ADCY7: variants seen among roughly 807,000 people sequenced by gnomAD.
The protein encoded by ADCY7 is adenylate cyclase type 7.
In ADCY7, 72 loss-of-function variants were observed where a neutral mutation model predicts 120.6. The observed-to-expected ratio is 0.60, with a 90% CI of 0.49 to 0.73. The LOEUF is 0.73. Among genes scored for constraint, ADCY7 ranks in the 30% least tolerant of loss-of-function variants. The probability of loss-of-function intolerance (pLI) is 0.00; values close to 1 mark genes in which losing one functional copy is unlikely to be tolerated. For missense variants in ADCY7, 1,227 were observed against 1,486.0 expected (o/e 0.83, Z 2.87); for synonymous variants, 661 against 628.0 (o/e 1.05, Z -0.78).
chr16:50,295,345 ATTTTTTTTTTTT>A (rs67137852), intron 7 of ADCY7, among the ~76,000 whole-genome samples: 1,472 of 82,758 alleles, frequency 0.018, 35 homozygotes, highest in African/African-American at 0.063. Flanking sequence ...CGCCTGGCTA[ATTTTTTTTTTTT>A]TTTTTTTTTT....
chr16:50,266,173 G>T (rs1191418705), upstream of ADCY7, among the ~76,000 whole-genome samples: 1 of 152,176 alleles, frequency 6.6e-6, no homozygotes, highest in Non-Finnish European at 1.5e-5. Context: ...AGGAAGGCGC[G>T]GGGGGCCTGT....
upstream of ADCY7, among the ~76,000 whole-genome samples, chr16:50,263,088 C>T (rs1197190575): frequency 2.0e-5 from 3 of 152,210 alleles, 1 homozygote; most frequent in Admixed American, 1.3e-4. Context: ...CTGGCTCTGC[C>T]TTTTCATAGC....
intron 1 of ADCY7, among the ~76,000 whole-genome samples, chr16:50,275,116 G>A (rs1215631089): frequency 2.0e-5 from 3 of 152,190 alleles, no homozygotes; most frequent in Non-Finnish European, 4.4e-5. Context: ...CTTCCCAGCT[G>A]AAAACTGCCT....
chr16:50,279,390 C>A (rs897241534), intron 1 of ADCY7: 1 of 152,134 alleles, frequency 6.6e-6, no homozygotes, highest in African/African-American at 2.4e-5. Flanking sequence ...TAAATGTGGG[C>A]GTGAAAGTGT....
rs774128997 is a variant in ADCY7 at position 50,310,689 on chromosome 16, C to T, written c.2163C>T (p.Tyr721=). Residue 721 remains tyrosine, a splice_region_variant and synonymous_variant, in exon 19 of 26, where the codon TAC becomes TAT. Transcript: ENST00000673801. ...KTRALCEPLP[Y]YTCSCVLGFI... ...TGAGTGACACCCTGCCCCCTCAGTA[C>T]TACACCTGCAGCTGTGTCCTGGGCT... 1.9e-6 allele frequency: 3 copies of T among 1,613,722 alleles called. No homozygotes were observed. The highest frequency in any genetic ancestry group is 2.2e-5 in the South Asian group (2 of 91,030).
In ADCY7 at chr16:50,308,566, C is replaced by T. The variant is rs2036234451; in HGVS notation, c.1936-101C>T. 5 of 1,551,888 alleles carry T rather than the reference C, an allele frequency of 3.2e-6. No individual in the cohort carries two copies. In the South Asian group the frequency reaches 6.1e-5, roughly 19 times the overall value. ...CCTCGGGGACAATTTCCTGAGTGCC[C>T]TGGAGGCTTCTCCCGAGGATACCCC... On this transcript the variant is annotated intron_variant, in intron 16 of 25. Coordinates refer to ENST00000673801, the MANE Select transcript of ADCY7 (RefSeq NM_001114.5).
intron 15 of ADCY7, among the ~76,000 whole-genome samples, chr16:50,307,688 G>C (rs1228609160): frequency 2.6e-5 from 4 of 152,146 alleles, no homozygotes; most frequent in Non-Finnish European, 5.9e-5. Flanking sequence ...TGTGGTTTTG[G>C]CTATGCTTAC....
At position 50,290,499 on chromosome 16, in the gene ADCY7, G is replaced by T; in HGVS notation, c.214G>T (p.Val72Leu). The T allele has an allele frequency of 1.2e-6, 2 of 1,614,226 alleles. No homozygotes were observed. Among genetic ancestry groups the T allele is most frequent in the African/African-American group, 2.7e-5 (2 of 75,056 alleles). The change falls in exon 3 of 26, where the codon GTG (valine) becomes TTG (leucine). Residue 72 changes from valine to leucine, a missense_variant. By Grantham distance (32) the Val-to-Leu change is conservative. Around this residue, in one of 5 missense-constraint regions of ADCY7, gnomAD observed 382 missense variants for 411.4 expected, o/e 0.93. Coordinates refer to ENST00000673801, the MANE Select transcript of ADCY7 (RefSeq NM_001114.5). ...HQAILGMAFL[V>L]LAVFAALSVL... ...GGCCATTCTGGGCATGGCGTTCCTG[G>T]TGCTGGCGGTGTTTGCGGCCCTCTC...
intron 1 of ADCY7, among the ~76,000 whole-genome samples, chr16:50,246,724 G>A (rs1333768535): frequency 6.6e-6 from 1 of 152,246 alleles, no homozygotes; most frequent in Non-Finnish European, 1.5e-5. Context: ...GTCCAGGGGA[G>A]AGTGAGCCAG....
chr16:50,313,204 G>C lies in ADCY7; in HGVS notation c.2751+168G>C. On this transcript the variant is annotated intron_variant, in intron 22 of 25. Coordinates refer to ENST00000673801, the MANE Select transcript of ADCY7 (RefSeq NM_001114.5). ...GGTCAAGGTGGGTGGATCACTTGAG[G>C]CTAGGAGTTCGAGACCAGCCTGGCC... The C allele has an allele frequency of 3.5e-6, 3 of 849,236 alleles. No individual in the cohort carries two copies. The South Asian group carries it at 5.5e-5, about 16-fold the overall frequency. 52.6% of individuals were successfully genotyped at this position (849,236 alleles called of 1,614,324 possible).
chr16:50,313,673 A>G (rs75177922), intron 22 of ADCY7: 1 of 364,710 alleles, frequency 2.7e-6, no homozygotes, highest in South Asian at 9.5e-5. Context: ...GGAGACAAAG[A>G]ATCTACATTC....
At chr16:50,262,498 TG>T (rs2033085920), upstream of ADCY7, among the ~76,000 whole-genome samples, 1 of 152,092 alleles carries the variant, frequency 6.6e-6, no homozygotes, top group Admixed American at 6.5e-5. Context: ...GGCTAATTTT[TG>T]TATTTTTATT....
intron 2 of ADCY7, among the ~76,000 whole-genome samples, chr16:50,289,983 TC>T (rs2034835903): frequency 6.6e-6 from 1 of 152,250 alleles, no homozygotes; most frequent in Non-Finnish European, 1.5e-5. Flanking sequence ...GCCCGTCCTG[TC>T]CCACCTCTGT....
chr16:50,308,308 G>A lies in ADCY7; in HGVS notation c.1851-19G>A. The A allele has an allele frequency of 6.2e-7, 1 of 1,614,216 alleles. No individual in the cohort carries two copies. Among genetic ancestry groups the A allele is most frequent in the African/African-American group, 1.3e-5 (1 of 75,064 alleles). ...GCAGAAGGCCCTAGGCAGAACTGAGGTTCTTCCCTCCTCTCCAGGACGGCG... is the reference window on the plus strand; with the variant it reads ...GCAGAAGGCCCTAGGCAGAACTGAGATTCTTCCCTCCTCTCCAGGACGGCG... On this transcript the variant is annotated intron_variant, in intron 15 of 25. Coordinates refer to ENST00000673801, the MANE Select transcript of ADCY7 (RefSeq NM_001114.5).
rs2036578835 is a variant in ADCY7 at position 50,313,174 on chromosome 16, T to C, written c.2751+138T>C. On this transcript the variant is annotated intron_variant, in intron 22 of 25. Coordinates refer to ENST00000673801, the MANE Select transcript of ADCY7 (RefSeq NM_001114.5). ...AAGGTGGTCTATAATCCCAGCACTT[T>C]GGGAGGTCAAGGTGGGTGGATCACT... 8 of 1,228,208 alleles carry C rather than the reference T, an allele frequency of 6.5e-6. No individual in the cohort carries two copies. In the East Asian group the frequency reaches 1.6e-4, roughly 25 times the overall value. 76.1% of individuals were successfully genotyped at this position (1,228,208 alleles called of 1,614,324 possible).
intron 1 of ADCY7, among the ~76,000 whole-genome samples, chr16:50,254,305 C>T (rs1290579171): frequency 1.3e-5 from 2 of 152,208 alleles, no homozygotes; most frequent in Non-Finnish European, 2.9e-5. Flanking sequence ...TGCCTCTCCT[C>T]CCACACACAG....
chr16:50,300,447 A>G (rs2035640229), intron 8 of ADCY7, among the ~76,000 whole-genome samples: 1 of 152,232 alleles, frequency 6.6e-6, no homozygotes, highest in Non-Finnish European at 1.5e-5. Flanking sequence ...AGGTCCATCA[A>G]CATGGGCTGT....
At position 50,315,550 on chromosome 16, in the gene ADCY7, C is replaced by G; in HGVS notation, c.*45C>G. ...AAAAGGCCGGGAAGCCAGTCTCCTTCCCTGAAGCAAGCCCAGGAGAAGACT... is the reference window on the plus strand; with the variant it reads ...AAAAGGCCGGGAAGCCAGTCTCCTTGCCTGAAGCAAGCCCAGGAGAAGACT... On this transcript the variant is annotated 3_prime_UTR_variant, in exon 26 of 26. Coordinates refer to ENST00000673801, the MANE Select transcript of ADCY7 (RefSeq NM_001114.5). 6.3e-7 allele frequency: 1 copy of G among 1,591,562 alleles called. No homozygotes were observed. Among genetic ancestry groups the G allele is most frequent in the South Asian group, 1.1e-5 (1 of 90,500 alleles).
At chr16:50,287,266 C>T (rs34009001) in intron 1 of ADCY7, among the ~76,000 whole-genome samples, 32,066 of 151,662 alleles carry the variant, frequency 0.21, 3,888 homozygotes, top group Non-Finnish European at 0.28. Flanking sequence ...CTGCCTGCCT[C>T]GACCTCTCAA....
Sources: gnomAD v4.1 joint callset for allele counts (sites outside exome capture counted in the v4.1 genomes callset) on GRCh38, gnomAD v4.1.1 for gene constraint, gnomAD v4.1.1 regional missense constraint, MANE v1.5 for transcripts, NCBI Gene and HGNC (gene_info 2026-07-23, HGNC 2026-07-21) for gene names.